The following TENM3 variants were observed in gnomAD, a reference collection of about 807,000 sequenced individuals.
TENM3 encodes the protein teneurin-3.
A neutral mutation model predicts 255.1 loss-of-function variants in TENM3; 63 were observed. That is an observed-to-expected ratio of 0.25 (90% CI 0.20 to 0.30). The LOEUF (loss-of-function observed/expected upper bound fraction) is 0.30. Among genes scored for constraint, TENM3 ranks in the 10% least tolerant of loss-of-function variants. The probability of loss-of-function intolerance (pLI) is 1.00; values close to 1 mark genes in which losing one functional copy is unlikely to be tolerated. For synonymous variants in TENM3, 1,306 were observed against 1,322.3 expected (o/e 0.99, Z 0.27); for missense variants, 2,929 against 3,461.1 (o/e 0.85, Z 3.86).
chr4:182,587,017 T>C (rs192417828), intron 3 of TENM3, among the ~76,000 whole-genome samples: 9 of 152,334 alleles, frequency 5.9e-5, no homozygotes, highest in Non-Finnish European at 1.3e-4. Context: ...GCAGACTGAA[T>C]CTTTTTGCTA....
chr4:181,607,419 T>TTC, the TENM3 span, among the ~76,000 whole-genome samples: 1 of 151,814 alleles, frequency 6.6e-6, no homozygotes, highest in East Asian at 1.9e-4. Flanking sequence ...TTTAATTTTT[T>TTC]TTTTTTTTCT....
At chr4:182,095,643 C>G in the TENM3 span, among the ~76,000 whole-genome samples, 68 of 152,184 alleles carry the variant, frequency 4.5e-4, no homozygotes, top group African/African-American at 1.3e-3. Context: ...AGGAATAATA[C>G]CTGGTGTTCA....
At chr4:182,623,468 A>G (rs1361880709) in intron 4 of TENM3, among the ~76,000 whole-genome samples, 2 of 133,060 alleles carry the variant, frequency 1.5e-5, no homozygotes, top group Admixed American at 7.5e-5. Context: ...ACATCTGGCT[A>G]ATTTTTTGTA....
chr4:181,743,052 A>C, the TENM3 span, among the ~76,000 whole-genome samples: 6 of 151,884 alleles, frequency 4.0e-5, no homozygotes, highest in Non-Finnish European at 5.9e-5. Flanking sequence ...TATATGTGCC[A>C]CATTTTCTTA....
the TENM3 span, among the ~76,000 whole-genome samples, chr4:181,818,321 T>G: frequency 1.3e-5 from 2 of 152,138 alleles, no homozygotes; most frequent in African/African-American, 4.8e-5. Flanking sequence ...CCTGATTCAA[T>G]CAGTTGGAAG....
chr4:182,366,206 CTTTG>C (rs973082252), intron 3 of TENM3, among the ~76,000 whole-genome samples: 76 of 151,792 alleles, frequency 5.0e-4, no homozygotes, highest in Non-Finnish European at 8.0e-4. Context: ...TCCTGTTTGA[CTTTG>C]TTTAAGGTAT....
the TENM3 span, among the ~76,000 whole-genome samples, chr4:181,748,626 G>C: frequency 6.6e-6 from 1 of 152,176 alleles, no homozygotes; most frequent in Non-Finnish European, 1.5e-5. Flanking sequence ...TTCAGAGGTA[G>C]ATGTTCCTGA....
the TENM3 span, among the ~76,000 whole-genome samples, chr4:181,862,826 A>G: frequency 3.3e-5 from 5 of 152,164 alleles, no homozygotes; most frequent in African/African-American, 1.2e-4. Flanking sequence ...AATAAAACAT[A>G]TGAAACATGA....
the TENM3 span, among the ~76,000 whole-genome samples, chr4:181,731,457 T>C: frequency 6.6e-6 from 1 of 152,124 alleles, no homozygotes; most frequent in Non-Finnish European, 1.5e-5. Context: ...GTTCAAGCAA[T>C]CCTCCTTCCT....
intron 4 of TENM3, among the ~76,000 whole-genome samples, chr4:182,620,648 A>G (rs1750032364): frequency 6.6e-6 from 1 of 152,208 alleles, no homozygotes; most frequent in African/African-American, 2.4e-5. Context: ...CATCAGTTTA[A>G]ACAATCTTTA....
At chr4:181,662,386 G>C in the TENM3 span, among the ~76,000 whole-genome samples, 3 of 152,120 alleles carry the variant, frequency 2.0e-5, no homozygotes, top group African/African-American at 7.2e-5. Flanking sequence ...CTACTTTAAT[G>C]TGTGTTGATT....
intron 3 of TENM3, among the ~76,000 whole-genome samples, chr4:182,496,315 TCTC>T (rs893003719): frequency 7.9e-5 from 12 of 152,130 alleles, no homozygotes; most frequent in South Asian, 4.1e-4. Flanking sequence ...TTCCCTACCT[TCTC>T]CTCACTTCCT....
chr4:182,425,796 T>G (rs1404620355), intron 3 of TENM3, among the ~76,000 whole-genome samples: 1 of 151,060 alleles, frequency 6.6e-6, no homozygotes, highest in African/African-American at 2.4e-5. Flanking sequence ...GATCACGAGG[T>G]CAGGAGATCA....
intron 16 of TENM3, among the ~76,000 whole-genome samples, chr4:182,735,803 G>A (rs902661817): frequency 1.3e-5 from 2 of 152,122 alleles, no homozygotes; most frequent in African/African-American, 2.4e-5. Context: ...GAAAAATTGT[G>A]TATGCTGCCT....
At chr4:182,308,550 C>G (rs1546635) in intron 1 of TENM3, among the ~76,000 whole-genome samples, 56,817 of 151,850 alleles carry the variant, frequency 0.37, 11,665 homozygotes, top group African/African-American at 0.55. Flanking sequence ...ATATTGCCCA[C>G]GCTGGTCTTG....
the TENM3 span, among the ~76,000 whole-genome samples, chr4:182,058,461 A>C: frequency 6.6e-6 from 1 of 152,230 alleles, no homozygotes; most frequent in Non-Finnish European, 1.5e-5. Context: ...ATATTTCATA[A>C]AATTTAGGTT....
chr4:181,837,905 C>A, the TENM3 span, among the ~76,000 whole-genome samples: 1 of 151,958 alleles, frequency 6.6e-6, no homozygotes, highest in Non-Finnish European at 1.5e-5. Flanking sequence ...TTTGGGAGTC[C>A]GAGGCAGGCA....
chr4:181,476,957 A>C, the TENM3 span, among the ~76,000 whole-genome samples: 1 of 152,186 alleles, frequency 6.6e-6, no homozygotes, highest in Admixed American at 6.5e-5. Flanking sequence ...TATCACATTG[A>C]GCTGAAAAGC....
chr4:181,902,961 A>G, the TENM3 span, among the ~76,000 whole-genome samples: 1 of 152,184 alleles, frequency 6.6e-6, no homozygotes, highest in South Asian at 2.1e-4. Flanking sequence ...GTGTTTTACA[A>G]TCGGTATTGA....
Sources: gnomAD v4.1 joint callset for allele counts (sites outside exome capture counted in the v4.1 genomes callset) on GRCh38, gnomAD v4.1.1 for gene constraint, MANE v1.5 for transcripts, NCBI Gene and HGNC (gene_info 2026-07-23, HGNC 2026-07-21) for gene names.